Variants in PRKCB observed in about 807,000 individuals in gnomAD.
The protein encoded by PRKCB is protein kinase C beta type.
A neutral mutation model predicts 81.5 loss-of-function variants in PRKCB; 13 were observed. That is an observed-to-expected ratio of 0.16 (90% CI 0.10 to 0.25). PRKCB has a LOEUF of 0.25. Among genes scored for constraint, PRKCB ranks in the 10% least tolerant of loss-of-function variants. The pLI, the probability that PRKCB is intolerant of heterozygous loss-of-function variation, is 1.00. For synonymous variants in PRKCB, 335 were observed against 321.4 expected, an observed-to-expected ratio of 1.04 and a Z score of -0.45; for missense variants, 509 against 875.7, an observed-to-expected ratio of 0.58 and a Z score of 5.29.
At chr16:23,854,771 AT>A (rs35328450) in intron 2 of PRKCB, among the ~76,000 whole-genome samples, 126,346 of 152,084 alleles carry the variant, frequency 0.83, 52,651 homozygotes, top group South Asian at 0.95. Context: ...AATTTGTGAT[AT>A]TTTTTGGAAC....
intron 10 of PRKCB, among the ~76,000 whole-genome samples, chr16:24,169,772 T>TTTTA (rs1305237071): frequency 2.6e-5 from 4 of 152,144 alleles, no homozygotes; most frequent in East Asian, 3.9e-4. Context: ...CTATTTTTAT[T>TTTTA]TTTATTTATT....
chr16:23,983,243 A>G (rs1358723971), intron 2 of PRKCB, among the ~76,000 whole-genome samples: 1 of 152,208 alleles, frequency 6.6e-6, no homozygotes, highest in African/African-American at 2.4e-5. Flanking sequence ...TTTTCTTCAA[A>G]GTGTTTTAGT....
In PRKCB at chr16:24,111,640, G is replaced by GAAA. The variant is rs34944521; in HGVS notation, c.822-1325_822-1323dup. On this transcript the variant is annotated intron_variant, in intron 7 of 16. Coordinates refer to ENST00000643927, the MANE Select transcript of PRKCB (RefSeq NM_002738.7). ...TATCTCTGCCAGAAAAGAAAAAAAA[G>GAAA]AAAAAAAAAACAGCCAGGTGTGGTG... Among the ~76,000 whole-genome samples the GAAA allele has an allele frequency of 3.5e-3, 516 of 146,388 alleles. 2 individuals are homozygous for GAAA. The highest frequency in any genetic ancestry group is 7.0e-3 in the Middle Eastern group (2 of 284).
intron 2 of PRKCB, among the ~76,000 whole-genome samples, chr16:23,969,308 T>A (rs1265874182): frequency 6.6e-6 from 1 of 152,212 alleles, no homozygotes; most frequent in East Asian, 1.9e-4. Context: ...AGGTGGACAC[T>A]GTGGTAGTCC....
chr16:23,974,424 C>T (rs978104895), intron 2 of PRKCB, among the ~76,000 whole-genome samples: 4 of 152,034 alleles, frequency 2.6e-5, no homozygotes, highest in South Asian at 2.1e-4. Context: ...GACAGAGCCT[C>T]GAGAACTTCC....
At chr16:23,922,234 G>A (rs1963835950) in intron 2 of PRKCB, among the ~76,000 whole-genome samples, 1 of 152,162 alleles carries the variant, frequency 6.6e-6, no homozygotes, top group African/African-American at 2.4e-5. Flanking sequence ...GAGTGAAGTG[G>A]GTGGGTATAA....
At chr16:24,021,331 C>T (rs1216182861) in intron 3 of PRKCB, among the ~76,000 whole-genome samples, 1 of 64,958 alleles carries the variant, frequency 1.5e-5, no homozygotes, top group African/African-American at 7.5e-5. Context: ...TCCTTCCTTC[C>T]TTCCTTCCTT....
intron 2 of PRKCB, among the ~76,000 whole-genome samples, chr16:23,962,799 A>T (rs1286027087): frequency 6.6e-6 from 1 of 151,622 alleles, no homozygotes; most frequent in African/African-American, 2.4e-5. Flanking sequence ...TTTTGGTTAC[A>T]TGGATAAGTT....
chr16:23,916,220 ATTTTTTTTTTTTT>A (rs10678336), intron 2 of PRKCB, among the ~76,000 whole-genome samples: 1 of 112,888 alleles, frequency 8.9e-6, no homozygotes, highest in Non-Finnish European at 1.8e-5. Context: ...CATGTGGCTA[ATTTTTTTTTTTTT>A]TTTTTTTTTG....
chr16:24,085,981 G>A (rs1354705922), intron 5 of PRKCB, among the ~76,000 whole-genome samples: 3 of 152,138 alleles, frequency 2.0e-5, no homozygotes, highest in South Asian at 2.1e-4. Flanking sequence ...TTGGGACCAC[G>A]ATGTGCTCGG....
intron 16 of PRKCB, among the ~76,000 whole-genome samples, chr16:24,207,737 G>A (rs1465276829): frequency 6.6e-6 from 1 of 152,210 alleles, no homozygotes; most frequent in Non-Finnish European, 1.5e-5. Context: ...AAATCCAGGA[G>A]TATAGAGGAC....
intron 5 of PRKCB, among the ~76,000 whole-genome samples, chr16:24,077,807 T>A (rs1390267165): frequency 6.6e-6 from 1 of 152,202 alleles, no homozygotes; most frequent in Non-Finnish European, 1.5e-5. Flanking sequence ...TGTCTGAGGA[T>A]CATGGTCTGA....
At chr16:24,116,422 A>G (rs198196) in intron 8 of PRKCB, among the ~76,000 whole-genome samples, 26,898 of 152,018 alleles carry the variant, frequency 0.18, 2,576 homozygotes, top group Non-Finnish European at 0.22. Context: ...AAAAAAAATA[A>G]AAAAAGAAAT....
intron 2 of PRKCB, among the ~76,000 whole-genome samples, chr16:23,894,065 A>G (rs2141118825): frequency 6.6e-6 from 1 of 152,184 alleles, no homozygotes; most frequent in East Asian, 1.9e-4. Context: ...CTGGTTACTT[A>G]TGCATTTGCA....
chr16:24,187,714 T>C lies in PRKCB; in HGVS notation c.1722+2147T>C, dbSNP rs1967726487. ...GTTTTGTTTTATCAATGTCTCGCTCTGTCGCCCAGGCTAGAGTGCCGTGGA... is the reference window on the plus strand; with the variant it reads ...GTTTTGTTTTATCAATGTCTCGCTCCGTCGCCCAGGCTAGAGTGCCGTGGA... On this transcript the variant is annotated intron_variant, in intron 15 of 16. Coordinates refer to ENST00000643927, the MANE Select transcript of PRKCB (RefSeq NM_002738.7). 3.9e-5 allele frequency among the ~76,000 whole-genome samples: 6 copies of C among 152,186 alleles called. No individual in the cohort carries two copies. In the South Asian group the frequency reaches 1.2e-3, roughly 31 times the overall value.
chr16:23,839,514 A>G lies in PRKCB; in HGVS notation c.205+2108A>G, dbSNP rs189913546. On this transcript the variant is annotated intron_variant, in intron 2 of 16. Transcript: ENST00000643927. ...GGTCTTGAACTCCTGGCTTCAAGCA[A>G]CCCTCCCACCTCAGCCCCCAAGTGT... is the stretch of plus-strand genomic sequence containing the variant. Among the ~76,000 whole-genome samples, 127 of 152,198 alleles carry G rather than the reference A, an allele frequency of 8.3e-4. 2 individuals are homozygous for G. The highest frequency in any genetic ancestry group is 2.9e-3 in the African/African-American group (121 of 41,522).
chr16:24,079,045 G>A (rs1049477417), intron 5 of PRKCB, among the ~76,000 whole-genome samples: 4 of 152,028 alleles, frequency 2.6e-5, no homozygotes, highest in African/African-American at 4.8e-5. Flanking sequence ...CTGAAGCAAC[G>A]GAAGATCCAC....
intron 5 of PRKCB, among the ~76,000 whole-genome samples, chr16:24,087,576 C>A (rs769371435): frequency 1.3e-4 from 20 of 152,108 alleles, no homozygotes; most frequent in Non-Finnish European, 1.3e-4. Flanking sequence ...GAGGACAAAG[C>A]AAGACTCACA....
intron 2 of PRKCB, among the ~76,000 whole-genome samples, chr16:23,863,576 C>G (rs1021234982): frequency 6.6e-6 from 1 of 152,142 alleles, no homozygotes; most frequent in South Asian, 2.1e-4. Context: ...CCCTATCTAG[C>G]TGTGGATTTG....
Sources: allele counts gnomAD v4.1 joint callset (sites outside exome capture counted in the v4.1 genomes callset), GRCh38; gene constraint gnomAD v4.1.1; transcripts MANE v1.5; gene names NCBI Gene and HGNC (gene_info 2026-07-23, HGNC 2026-07-21).